ITGAD: variants seen among roughly 807,000 people sequenced by gnomAD.
The protein encoded by ITGAD is integrin subunit alpha D, also known as integrin alpha-D.
Under a neutral mutation model 139.0 loss-of-function variants are expected in ITGAD, and 105 were observed. The ratio of observed to expected loss-of-function variants is 0.76; its 90% CI spans 0.65 to 0.89. The LOEUF is 0.89. Among genes scored for constraint, ITGAD ranks in the 40% least tolerant of loss-of-function variants. The pLI is 0.00. For synonymous variants in ITGAD, 569 were observed against 598.3 expected, an observed-to-expected ratio of 0.95 and a Z score of 0.71; for missense variants, 1,384 against 1,487.3, an observed-to-expected ratio of 0.93 and a Z score of 1.14.
rs1043191827 is a variant in ITGAD, at chr16:31,401,996, G to A, written c.428-119G>A. On this transcript the variant is annotated intron_variant, in intron 5 of 29. Coordinates refer to ENST00000389202, the MANE Select transcript of ITGAD (RefSeq NM_005353.3). ...GTGGCAGACTGGGGCCTCCTCCAAG[G>A]AGGGGTCGGAAACTAGGTGGGGATG... is the stretch of plus-strand genomic sequence containing the variant. 4.4e-6 allele frequency: 5 copies of A among 1,130,902 alleles called. No homozygotes were observed. The African/African-American group carries it at 7.9e-5, about 18-fold the overall frequency. 70.1% of individuals were successfully genotyped at this position (1,130,902 alleles called of 1,614,324 possible). A position where few individuals can be genotyped will look rare whatever the true frequency, so the allele number is the denominator to read the frequency against.
Position 31,393,393 on chromosome 16 carries a change from T to TA in ITGAD, c.31+4dup. ...TCGGCACTGTGCTTCTTCTGAGTGG[T>TA]AAGTGGGGCCAGGGTGCTGGGGAGA... On this transcript the variant is annotated splice_region_variant and intron_variant, in intron 1 of 29. Transcript: ENST00000389202. The TA allele has an allele frequency of 6.2e-7, 1 of 1,613,928 alleles. No individual in the cohort carries two copies. Among genetic ancestry groups the TA allele is most frequent in the South Asian group, 1.1e-5 (1 of 91,072 alleles).
In ITGAD at chr16:31,403,998, G is replaced by T; in HGVS notation, c.704+353G>T. On this transcript the variant is annotated intron_variant, in intron 7 of 29. Coordinates refer to ENST00000389202, the MANE Select transcript of ITGAD (RefSeq NM_005353.3). This position sits in a 1 kb window ranked among gnomAD's most constrained non-coding sequence, Gnocchi z 4.4. ...GTGAGCTACTCTGGGTGTAACCCTG[G>T]GGTGATGGGCTCTAAGTCTCAGTAA... The T allele has an allele frequency of 3.4e-6, 1 of 293,370 alleles. No homozygotes were observed. Among genetic ancestry groups the T allele is most frequent in the South Asian group, 4.5e-5 (1 of 22,190 alleles). 18.2% of individuals were successfully genotyped at this position (293,370 alleles called of 1,614,324 possible).
intron 10 of ITGAD, among the ~76,000 whole-genome samples, chr16:31,410,074 G>A (rs2081644291): frequency 6.6e-6 from 1 of 152,134 alleles, no homozygotes; most frequent in Non-Finnish European, 1.5e-5. Flanking sequence ...AAGGGTCCTA[G>A]GTACCACCGT....
intron 10 of ITGAD, 132 bp from the exon 11 acceptor site, chr16:31,410,263 G>A (rs894322065): frequency 1.1e-5 from 13 of 1,236,326 alleles, no homozygotes; most frequent in Non-Finnish European, 1.1e-5. Context: ...AGGCACAGAG[G>A]CTGCTGGTGC....
intron 29 of ITGAD, chr16:31,424,823 T>C (rs2082081424): frequency 3.3e-6 from 1 of 306,490 alleles, no homozygotes; most frequent in Non-Finnish European, 6.1e-6. Context: ...GGTCTCGAAC[T>C]CCTGACTTCA....
intron 5 of ITGAD, 112 bp downstream of exon 5, chr16:31,398,021 G>C: frequency 2.7e-6 from 2 of 740,342 alleles, no homozygotes; most frequent in Non-Finnish European, 4.4e-6. Context: ...GCCGAGTGTG[G>C]CTAGGAGAGA....
chr16:31,412,150 ACCTCCCGAGTAG>A (rs1407791932), intron 14 of ITGAD, among the ~76,000 whole-genome samples: 2 of 149,902 alleles, frequency 1.3e-5, no homozygotes, highest in East Asian at 3.9e-4. Context: ...GCTCACTGCA[ACCTCCCGAGTAG>A]CCTCCCGAGT....
At chr16:31,411,242 G>A (rs1226290545) in intron 13 of ITGAD, 26 bp downstream of exon 13, 1 of 1,611,360 alleles carries the variant, frequency 6.2e-7, no homozygotes, top group Non-Finnish European at 8.5e-7. Context: ...GACCTAGGCT[G>A]GGTGGGGTCC....
intron 23 of ITGAD, among the ~76,000 whole-genome samples, chr16:31,418,823 C>G (rs891295503): frequency 1.3e-5 from 2 of 152,166 alleles, no homozygotes; most frequent in Non-Finnish European, 2.9e-5. Flanking sequence ...GAGTTCGAGA[C>G]CAGCTTGGCC....
chr16:31,416,524 GGGAGCTCCCT>G lies in ITGAD; in HGVS notation c.2385_2394del (p.Leu796ThrfsTer2), dbSNP rs2081890309. ...CTTCAGCCTGCAGACCCTGACCGTGGGGAGCTCCCTGGAGCTCAACGTGATTGTGACTGTG... is the reference window on the plus strand; with the variant it reads ...CTTCAGCCTGCAGACCCTGACCGTGGGGAGCTCAACGTGATTGTGACTGTG... On this transcript the variant is annotated frameshift_variant, in exon 20 of 30. Transcript: ENST00000389202. LOFTEE classifies it high-confidence loss of function. 1 of 1,612,202 alleles carries G rather than the reference GGGAGCTCCCT, an allele frequency of 6.2e-7. No individual in the cohort carries two copies. The highest frequency in any genetic ancestry group is 1.3e-5 in the African/African-American group (1 of 74,902).
At position 31,412,204 on chromosome 16, in the gene ITGAD, C is replaced by T. The variant is rs11864985; in HGVS notation, c.1708-634C>T. 2.5e-3 allele frequency among the ~76,000 whole-genome samples: 377 copies of T among 151,980 alleles called. 3 individuals carry two copies. Among genetic ancestry groups the T allele is most frequent in the African/African-American group, 8.4e-3 (350 of 41,450 alleles). On this transcript the variant is annotated intron_variant, in intron 14 of 29. Coordinates refer to ENST00000389202, the MANE Select transcript of ITGAD (RefSeq NM_005353.3). The stretch of plus-strand genomic sequence containing the variant: ...GATTATAGGCTTCTGCCACCATACC[C>T]GGCTAATTTTTGTATTTTTAGTAGA...
chr16:31,407,088 T>C (rs2081557614), intron 7 of ITGAD, among the ~76,000 whole-genome samples: 1 of 152,218 alleles, frequency 6.6e-6, no homozygotes, highest in African/African-American at 2.4e-5. Context: ...GCATGGTGGC[T>C]CACGCCTGCA....
At chr16:31,424,305 G>T in intron 28 of ITGAD, 102 bp downstream of exon 28, 1 of 1,435,094 alleles carries the variant, frequency 7.0e-7, no homozygotes, top group South Asian at 1.2e-5. Flanking sequence ...GGAGGAGGGT[G>T]AAAGTCTCTG....
At chr16:31,416,186 G>T in intron 18 of ITGAD, 27 bp from the exon 19 acceptor site, 1 of 1,568,316 alleles carries the variant, frequency 6.4e-7, no homozygotes, top group Non-Finnish European at 8.7e-7. Flanking sequence ...ATGTCAGATG[G>T]GAACAGAATA....
rs1226720791 is a variant in ITGAD at position 31,418,464 on chromosome 16, C to T, written c.2697-17C>T. On this transcript the variant is annotated splice_polypyrimidine_tract_variant and intron_variant, in intron 22 of 29. Transcript: ENST00000389202. ...CTCCTGGATTCCTTCCCATTGGTCC[C>T]TCCTTTCTGTCTCCAGTGAGAACAA... 1.2e-6 allele frequency: 2 copies of T among 1,612,398 alleles called. No individual in the cohort carries two copies. The highest frequency in any genetic ancestry group is 2.7e-5 in the African/African-American group (2 of 74,892).
At chr16:31,413,355 TCA>T in intron 16 of ITGAD, 109 bp downstream of exon 16, 1 of 1,177,464 alleles carries the variant, frequency 8.5e-7, no homozygotes, top group Non-Finnish European at 1.2e-6. Context: ...CCACATTCAC[TCA>T]CCACCTGTGC....
At chr16:31,409,650 CT>C in intron 10 of ITGAD, among the ~76,000 whole-genome samples, 1 of 152,122 alleles carries the variant, frequency 6.6e-6, no homozygotes, top group Non-Finnish European at 1.5e-5. Context: ...TGACTCACAC[CT>C]GTAATCCCAA....
rs2081943927 is a variant in ITGAD at position 31,418,496 on chromosome 16, T to C, written c.2712T>C (p.Ala904=). The C allele has an allele frequency of 6.2e-7, 1 of 1,613,870 alleles. No individual in the cohort carries two copies. Among genetic ancestry groups the C allele is most frequent in the Admixed American group, 1.7e-5 (1 of 59,994 alleles). ...RASASSENNK[A]SSSKATFQLE... ...CTGTCTCCAGTGAGAACAATAAGGC[T>C]TCAAGCAGCAAGGCCACCTTCCAGC... Residue 904 remains alanine, a synonymous_variant, in exon 23 of 30, where the codon GCT becomes GCC. Transcript: ENST00000389202.
rs1393686154 is a variant in ITGAD at position 31,411,206 on chromosome 16, T to C, written c.1487T>C (p.Leu496Ser). The C allele has an allele frequency of 6.2e-7, 1 of 1,613,426 alleles. No individual in the cohort carries two copies. Among genetic ancestry groups the C allele is most frequent in the East Asian group, 2.2e-5 (1 of 44,860 alleles). ...GGGGGCCAGGTGTCCGTGTGTCCCT[T>C]GCCTAGGGGGGTGAGTGGCTGATGG... ...TRGGQVSVCP[L>S]PRGRVQWQCD... The change falls in exon 13 of 30, where the codon TTG becomes TCG. Residue 496 changes from leucine to serine, a missense_variant. Coordinates refer to ENST00000389202, the MANE Select transcript of ITGAD (RefSeq NM_005353.3).
Sources: gnomAD v4.1 joint callset for allele counts (sites outside exome capture counted in the v4.1 genomes callset) on GRCh38, gnomAD v4.1.1 for gene constraint, Gnocchi (gnomAD v3.1) non-coding constraint, MANE v1.5 for transcripts, NCBI Gene and HGNC (gene_info 2026-07-23, HGNC 2026-07-21) for gene names.